HSPA4L: variants seen among roughly 807,000 people sequenced by gnomAD.
HSPA4L encodes heat shock 70 kDa protein 4L.
HSPA4L carries 48 observed loss-of-function variants against 100.3 expected under a neutral mutation model. That is an observed-to-expected ratio of 0.48 (90% CI 0.38 to 0.61). The LOEUF (loss-of-function observed/expected upper bound fraction) is 0.61. HSPA4L is among the 20% of genes least tolerant of loss of function. The pLI is 0.00. For missense variants in HSPA4L, 886 were observed against 988.6 expected (o/e 0.90, Z 1.39); for synonymous variants, 319 against 328.2 (o/e 0.97, Z 0.30).
rs1220124350 is a variant in HSPA4L, at chr4:127,818,404, C to A, written c.1658C>A (p.Thr553Lys). The A allele has an allele frequency of 6.2e-7, 1 of 1,602,614 alleles. No individual in the cohort carries two copies. Among genetic ancestry groups the A allele is most frequent in the African/African-American group, 1.3e-5 (1 of 74,784 alleles). The change falls in exon 13 of 19, where the codon ACA (threonine) becomes AAA (lysine). Residue 553 changes from threonine to lysine, a missense_variant. Transcript: ENST00000296464. ...ACTCCAGAAGAGGAAATTGATCATA[C>A]AGGAGCCAAAACAAAGGTTTGGTTT... Reference protein sequence around the residue: ...EHTPEEEIDHTGAKTKSAVSD... With the variant: ...EHTPEEEIDHKGAKTKSAVSD...
chr4:127,821,144 G>T (rs996881856), intron 14 of HSPA4L, among the ~76,000 whole-genome samples: 10 of 152,128 alleles, frequency 6.6e-5, no homozygotes, highest in Admixed American at 2.6e-4. Flanking sequence ...GGCATTAAAA[G>T]GTCAGTCTTC....
At chr4:127,802,645 G>C (rs1733222567) in intron 6 of HSPA4L, among the ~76,000 whole-genome samples, 1 of 152,044 alleles carries the variant, frequency 6.6e-6, no homozygotes, top group Non-Finnish European at 1.5e-5. Context: ...AGGTAACTTT[G>C]TAGTGAAATA....
intron 2 of HSPA4L, among the ~76,000 whole-genome samples, chr4:127,794,834 C>T (rs1732975230): frequency 6.6e-6 from 1 of 152,072 alleles, no homozygotes. Flanking sequence ...AGTAATTCAG[C>T]ATCCCTATAG....
chr4:127,824,637 CCT>C (rs1349630649), intron 16 of HSPA4L, among the ~76,000 whole-genome samples: 2 of 152,190 alleles, frequency 1.3e-5, no homozygotes, highest in Admixed American at 6.5e-5. Flanking sequence ...TTCTCCTGCT[CCT>C]CTGACTGTTA....
chr4:127,829,785 TA>T (rs1363872586), intron 17 of HSPA4L, among the ~76,000 whole-genome samples: 1 of 151,472 alleles, frequency 6.6e-6, no homozygotes, highest in East Asian at 1.9e-4. Flanking sequence ...TTTTTTTTTT[TA>T]AAGCATATGG....
At chr4:127,796,048 T>G in intron 3 of HSPA4L, 140 bp downstream of exon 3, 1 of 660,844 alleles carries the variant, frequency 1.5e-6, no homozygotes. Flanking sequence ...TTTGTAATAA[T>G]TTTAGTGAAT....
In HSPA4L at chr4:127,830,619, G is replaced by C. The variant is rs766730995; in HGVS notation, c.2167-19G>C. 3.9e-6 allele frequency: 6 copies of C among 1,535,410 alleles called. No individual in the cohort carries two copies. Among genetic ancestry groups the C allele is most frequent in the Non-Finnish European group, 5.3e-6 (6 of 1,140,692 alleles). On this transcript the variant is annotated intron_variant, in intron 17 of 18. Coordinates refer to ENST00000296464, the MANE Select transcript of HSPA4L (RefSeq NM_014278.4). ...TGAAAAATCATTAACATGCAGTCAA[G>C]CTTTTTTTTTTTAAATAGGATGAAA...
chr4:127,783,654 G>C, intron 1 of HSPA4L: 1 of 1,535,604 alleles, frequency 6.5e-7, no homozygotes, highest in Non-Finnish European at 8.7e-7. Context: ...CCAACTGTAT[G>C]AAACCTATAT....
At position 127,805,158 on chromosome 4, in the gene HSPA4L, C is replaced by A. The variant is rs746127288; in HGVS notation, c.1071C>A (p.Phe357Leu). Reference protein sequence around the residue: ...IPAVKEQITKFFLKDISTTLN... With the variant: ...IPAVKEQITKLFLKDISTTLN... Reference sequence around the variant, plus strand: ...CAGTGAAAGAACAAATCACTAAATTCTTTCTTAAAGACATAAGTACCACAT... The same window carrying A: ...CAGTGAAAGAACAAATCACTAAATTATTTCTTAAAGACATAAGTACCACAT... Residue 357 changes from phenylalanine (F) to leucine (L), a missense_variant, in exon 9 of 19, where the codon TTC (phenylalanine) becomes TTA (leucine). By Grantham distance (22) the Phe-to-Leu change is conservative. Transcript: ENST00000296464. 3.1e-6 allele frequency: 5 copies of A among 1,611,830 alleles called. No individual in the cohort carries two copies. In the South Asian group the frequency reaches 3.3e-5, roughly 11 times the overall value.
At chr4:127,782,758 A>G in intron 1 of HSPA4L, 101 bp downstream of exon 1, 2 of 855,844 alleles carry the variant, frequency 2.3e-6, no homozygotes, top group Non-Finnish European at 3.5e-6. Flanking sequence ...TTTTCCCCTA[A>G]CGTGCGCCGA....
In HSPA4L at chr4:127,839,095, A is replaced by C. The variant is rs1734302103; in HGVS notation, c.*6221A>C. 1.3e-5 allele frequency: 2 copies of C among 152,140 alleles called. No individual in the cohort carries two copies. Among genetic ancestry groups the C allele is most frequent in the Non-Finnish European group, 2.9e-5 (2 of 68,022 alleles). 9.4% of individuals were successfully genotyped at this position (152,140 alleles called of 1,614,324 possible). ...ATCCCTCATTTTTAATCCAAATATC[A>C]ATTTGACAGAATAACAAGGGTCAGA... On this transcript the variant is annotated 3_prime_UTR_variant, in exon 19 of 19. Transcript: ENST00000296464.
At position 127,817,333 on chromosome 4, in the gene HSPA4L, T is replaced by C. The variant is rs181772349; in HGVS notation, c.1579-992T>C. 1.8e-3 allele frequency among the ~76,000 whole-genome samples: 277 copies of C among 151,526 alleles called. 3 individuals carry two copies. The highest frequency in any genetic ancestry group is 6.6e-3 in the African/African-American group (273 of 41,162). On this transcript the variant is annotated intron_variant, in intron 12 of 18. Coordinates refer to ENST00000296464, the MANE Select transcript of HSPA4L (RefSeq NM_014278.4). The stretch of plus-strand genomic sequence containing the variant: ...CCTGCCTTGGCCTCCCGAAGAATAA[T>C]TGATCTTTTAACTACAAAAAAAAAA...
Position 127,825,043 on chromosome 4 carries a change from G to A in HSPA4L, c.2046+1419G>A, listed in dbSNP as rs539040006. Among the ~76,000 whole-genome samples the A allele has an allele frequency of 2.4e-4, 36 of 152,190 alleles. No homozygotes were observed. In the South Asian group the frequency reaches 3.1e-3, roughly 13 times the overall value. ...TAGTCCCAGCTACTCTGGAGGCTGAGGCAGGAGAATGGCGTGAACCCAGGA... is the reference window on the plus strand; with the variant it reads ...TAGTCCCAGCTACTCTGGAGGCTGAAGCAGGAGAATGGCGTGAACCCAGGA... On this transcript the variant is annotated intron_variant, in intron 16 of 18. Coordinates refer to ENST00000296464, the MANE Select transcript of HSPA4L (RefSeq NM_014278.4).
At chr4:127,811,791 C>T (rs1441178574) in intron 12 of HSPA4L, among the ~76,000 whole-genome samples, 155 bp downstream of exon 12, 20 of 152,140 alleles carry the variant, frequency 1.3e-4, no homozygotes, top group Admixed American at 1.3e-3. Flanking sequence ...TTGATAAAAG[C>T]ATTAAGGAAT....
chr4:127,797,628 G>A (rs923236625), intron 3 of HSPA4L, among the ~76,000 whole-genome samples: 2 of 140,846 alleles, frequency 1.4e-5, no homozygotes, highest in Non-Finnish European at 3.0e-5. Context: ...TTGAGACGGA[G>A]TCTTGCTCTG....
At chr4:127,794,273 G>A (rs912191671) in intron 2 of HSPA4L, 139 bp downstream of exon 2, 1 of 533,840 alleles carries the variant, frequency 1.9e-6, no homozygotes, top group Non-Finnish European at 3.2e-6. Flanking sequence ...GTTTTGTTTT[G>A]TTTTGTTTTT....
At chr4:127,826,736 C>T (rs1000037720) in intron 16 of HSPA4L, among the ~76,000 whole-genome samples, 2 of 151,990 alleles carry the variant, frequency 1.3e-5, no homozygotes, top group Non-Finnish European at 2.9e-5. Context: ...ATATTTTATC[C>T]TTCTAATGTG....
In HSPA4L at chr4:127,811,473, A is replaced by T. The variant is rs1202855417; in HGVS notation, c.1415A>T (p.Asp472Val). The part of the protein sequence containing the change: ...FTIQNVFPQS[D>V]GDSSKVKVKV... ...ATTCAGAATGTTTTTCCACAGTCTG[A>T]TGGTGATAGTTCCAAAGTGAAGGTT... is the stretch of plus-strand genomic sequence containing the variant. The change falls in exon 12 of 19, where the codon GAT becomes GTT. Residue 472 changes from aspartate (D) to valine (V), a missense_variant. Asp to Val is a radical substitution (Grantham distance 152). Transcript: ENST00000296464. The T allele has an allele frequency of 1.2e-6, 2 of 1,613,982 alleles. No homozygotes were observed. The highest frequency in any genetic ancestry group is 2.7e-5 in the African/African-American group (2 of 75,016).
chr4:127,813,265 G>T, intron 12 of HSPA4L: 1 of 780,948 alleles, frequency 1.3e-6, no homozygotes, highest in Non-Finnish European at 2.2e-6. Flanking sequence ...TCTATTTTAA[G>T]ACAGTTTCTC....
Sources: gnomAD v4.1 joint callset for allele counts (sites outside exome capture counted in the v4.1 genomes callset) on GRCh38, gnomAD v4.1.1 for gene constraint, MANE v1.5 for transcripts, NCBI Gene and HGNC (gene_info 2026-07-23, HGNC 2026-07-21) for gene names.